The following PERP variants were observed in gnomAD, a reference collection of about 807,000 sequenced individuals.
The protein encoded by PERP is p53 apoptosis effector related to PMP22, also known as p53 apoptosis effector related to PMP-22.
PERP carries 11 observed loss-of-function variants against 20.3 expected under a neutral mutation model. The observed-to-expected ratio is 0.54, with a 90% CI of 0.34 to 0.90. PERP has a LOEUF of 0.90. PERP is among the 40% of genes least tolerant of loss of function. PERP has a pLI of 0.02. For synonymous variants in PERP, 101 were observed against 102.0 expected, an observed-to-expected ratio of 0.99 and a Z score of 0.06; for missense variants, 224 against 249.4, an observed-to-expected ratio of 0.90 and a Z score of 0.69.
chr6:138,105,989 C>G (rs943329233), intron 1 of PERP, among the ~76,000 whole-genome samples: 4 of 151,950 alleles, frequency 2.6e-5, no homozygotes, highest in African/African-American at 7.3e-5. Flanking sequence ...GGGGAAGTGA[C>G]GTCCAAAGGA....
chr6:138,094,826 T>C (rs1582965422), intron 2 of PERP, among the ~76,000 whole-genome samples: 1 of 152,328 alleles, frequency 6.6e-6, no homozygotes, highest in African/African-American at 2.4e-5. Flanking sequence ...GTTCAAGTGA[T>C]TCTCCTGCCT....
Position 138,107,083 on chromosome 6 carries a change from AG to A in PERP, c.214+43del. 4.5e-6 allele frequency: 7 copies of A among 1,565,532 alleles called. No individual in the cohort carries two copies. Among genetic ancestry groups the A allele is most frequent in the Non-Finnish European group, 6.0e-6 (7 of 1,157,296 alleles). ...GCGGCTTTTGCAGGCCGCGGCCCCG[AG>A]GGCTTCCTGGAGGCGGCGACGGCGG... On this transcript the variant is annotated intron_variant, in intron 1 of 2. Coordinates refer to ENST00000421351, the MANE Select transcript of PERP (RefSeq NM_022121.5). This position sits in a 1 kb window ranked among gnomAD's most constrained non-coding sequence, Gnocchi z 4.8.
intron 2 of PERP, among the ~76,000 whole-genome samples, chr6:138,092,620 T>A (rs189929606): frequency 5.3e-4 from 80 of 151,574 alleles, no homozygotes; most frequent in African/African-American, 1.8e-3. Flanking sequence ...GAACAACCTA[T>A]TTTTTTCATC....
At chr6:138,102,962 G>A (rs1207991235) in intron 1 of PERP, among the ~76,000 whole-genome samples, 1 of 151,714 alleles carries the variant, frequency 6.6e-6, no homozygotes, top group East Asian at 2.0e-4. Context: ...AGCCGGGCGT[G>A]GTGGCGGGCG....
intron 2 of PERP, among the ~76,000 whole-genome samples, chr6:138,095,184 T>C (rs1381833153): frequency 2.6e-5 from 4 of 152,244 alleles, no homozygotes; most frequent in African/African-American, 9.6e-5. Flanking sequence ...AGGTTCTTTA[T>C]ATCTTTTGTG....
In PERP at chr6:138,096,417, CGAA is replaced by C. The variant is rs1202551064; in HGVS notation, c.289_291del (p.Phe97del). On this transcript the variant is annotated inframe_deletion, in exon 2 of 3. Coordinates refer to ENST00000421351, the MANE Select transcript of PERP (RefSeq NM_022121.5). ...ACAAGCATCTGGGGTCCACAGAGGG[CGAA>C]GAAGGAGAGGATGAAACAGATCACC... is the stretch of plus-strand genomic sequence containing the variant. 1.2e-6 allele frequency: 2 copies of C among 1,613,834 alleles called. No individual in the cohort carries two copies. The highest frequency in any genetic ancestry group is 1.7e-6 in the Non-Finnish European group (2 of 1,179,962).
rs1775571323 is a variant in PERP, at chr6:138,091,060, C to T, written c.*982G>A. The T allele has an allele frequency of 6.6e-6, 1 of 152,230 alleles. No homozygotes were observed. The highest frequency in any genetic ancestry group is 2.1e-4 in the South Asian group (1 of 4,830). 9.4% of individuals were successfully genotyped at this position (152,230 alleles called of 1,614,324 possible). On this transcript the variant is annotated 3_prime_UTR_variant, in exon 3 of 3. Transcript: ENST00000421351. ...GATTTTAACTATATGTAGGTTTCTG[C>T]TTACAGTTGCAAACTATCAGAAGCC... is the stretch of plus-strand genomic sequence containing the variant.
intron 2 of PERP, among the ~76,000 whole-genome samples, chr6:138,094,199 T>A (rs901438043): frequency 3.9e-5 from 6 of 152,212 alleles, no homozygotes; most frequent in African/African-American, 1.4e-4. Flanking sequence ...TGGTATTAAA[T>A]GAATTCACAA....
At chr6:138,094,833 G>A (rs969892078) in intron 2 of PERP, among the ~76,000 whole-genome samples, 9 of 152,150 alleles carry the variant, frequency 5.9e-5, no homozygotes, top group Non-Finnish European at 1.0e-4. Flanking sequence ...TGATTCTCCT[G>A]CCTCAGCCTC....
At chr6:138,098,707 A>C (rs1582967135) in intron 1 of PERP, among the ~76,000 whole-genome samples, 1 of 152,232 alleles carries the variant, frequency 6.6e-6, no homozygotes, top group Non-Finnish European at 1.5e-5. Flanking sequence ...CTTCCTCTAG[A>C]TTCATGAGTG....
chr6:138,089,881 G>A lies in PERP; in HGVS notation c.*2161C>T, dbSNP rs1008594826. The stretch of plus-strand genomic sequence containing the variant: ...GAGGTTGCATTTTTCCTAAATGTGC[G>A]CCGTTAAGGTATTGTGTGATTGAGG... On this transcript the variant is annotated 3_prime_UTR_variant, in exon 3 of 3. Coordinates refer to ENST00000421351, the MANE Select transcript of PERP (RefSeq NM_022121.5). The A allele has an allele frequency of 6.6e-6, 1 of 152,122 alleles. No individual in the cohort carries two copies. The highest frequency in any genetic ancestry group is 2.4e-5 in the African/African-American group (1 of 41,416). 9.4% of individuals were successfully genotyped at this position (152,122 alleles called of 1,614,324 possible).
intron 1 of PERP, among the ~76,000 whole-genome samples, chr6:138,104,161 A>C (rs991431327): frequency 6.6e-6 from 1 of 152,250 alleles, no homozygotes; most frequent in Non-Finnish European, 1.5e-5. Flanking sequence ...ACTAGAAAAG[A>C]TGGTGCCAGC....
chr6:138,096,138 C>T (rs573225823), intron 2 of PERP, among the ~76,000 whole-genome samples: 23 of 152,268 alleles, frequency 1.5e-4, no homozygotes, highest in Middle Eastern at 3.4e-3. Context: ...ATCCCTGTCA[C>T]TCGGATGGGG....
intron 1 of PERP, among the ~76,000 whole-genome samples, chr6:138,101,004 C>T (rs370605358): frequency 3.2e-4 from 48 of 152,078 alleles, no homozygotes; most frequent in African/African-American, 9.6e-4. Context: ...CATACAAAAA[C>T]GCAAAATGTT....
chr6:138,097,494 G>A (rs1775711890), intron 1 of PERP, among the ~76,000 whole-genome samples: 1 of 151,898 alleles, frequency 6.6e-6, no homozygotes, highest in Admixed American at 6.6e-5. Context: ...TTTAATTTCA[G>A]TAGTTTTTGG....
In PERP at chr6:138,088,772, CA is replaced by C. The variant is rs1775531809; in HGVS notation, c.*3269del. 1 of 152,184 alleles carries C rather than the reference CA, an allele frequency of 6.6e-6. No homozygotes were observed. The allele number at this position is 152,184 out of a possible 1,614,324, so 9.4% of individuals were successfully genotyped here. A position where few individuals can be genotyped will look rare whatever the true frequency, so the allele number is the denominator to read the frequency against. On this transcript the variant is annotated 3_prime_UTR_variant, in exon 3 of 3. Transcript: ENST00000421351. ...AGCCAAGCTCACCTAAAAATGGTCT[CA>C]AAAAGCAAAGGGCTCTGACCATCGA...
intron 1 of PERP, among the ~76,000 whole-genome samples, chr6:138,105,857 C>T (rs1352105319): frequency 6.6e-6 from 1 of 152,176 alleles, no homozygotes; most frequent in Non-Finnish European, 1.5e-5. Flanking sequence ...ATGATACAAA[C>T]CTGAGCTGGC....
At chr6:138,096,147 G>T (rs1775687180) in intron 2 of PERP, among the ~76,000 whole-genome samples, 1 of 152,096 alleles carries the variant, frequency 6.6e-6, no homozygotes, top group African/African-American at 2.4e-5. Context: ...ACTCGGATGG[G>T]GACTACAGAA....
intron 1 of PERP, among the ~76,000 whole-genome samples, chr6:138,097,050 C>T (rs1562324195): frequency 6.6e-6 from 1 of 152,156 alleles, no homozygotes; most frequent in Admixed American, 6.5e-5. Flanking sequence ...GATCTTATAA[C>T]AAGCTTATAA....
Sources: allele counts gnomAD v4.1 joint callset (sites outside exome capture counted in the v4.1 genomes callset), GRCh38; gene constraint gnomAD v4.1.1; non-coding constraint Gnocchi (gnomAD v3.1); transcripts MANE v1.5; gene names NCBI Gene and HGNC (gene_info 2026-07-23, HGNC 2026-07-21).